The following C3orf20 variants were observed in gnomAD, a reference collection of about 807,000 sequenced individuals.
C3orf20 encodes uncharacterized protein C3orf20.
In C3orf20, 76 loss-of-function variants were observed where a neutral mutation model predicts 88.3. That is an observed-to-expected ratio of 0.86 (90% CI 0.72 to 1.04). The LOEUF (loss-of-function observed/expected upper bound fraction) is 1.04. Among genes scored for constraint, C3orf20 ranks in the 50% least tolerant of loss-of-function variants. C3orf20 has a pLI of 0.00. For missense variants in C3orf20, 1,056 were observed against 1,123.3 expected, an observed-to-expected ratio of 0.94 and a Z score of 0.86; for synonymous variants, 436 against 437.4, an observed-to-expected ratio of 1.00 and a Z score of 0.04.
At chr3:14,687,080 G>A (rs944896989) in intron 4 of C3orf20, among the ~76,000 whole-genome samples, 2 of 152,172 alleles carry the variant, frequency 1.3e-5, no homozygotes, top group Admixed American at 6.5e-5. Context: ...CCGCAGAAGG[G>A]AAAACCGAAT....
chr3:14,719,113 C>T (rs1465647946), intron 9 of C3orf20, among the ~76,000 whole-genome samples: 1 of 148,594 alleles, frequency 6.7e-6, no homozygotes, highest in African/African-American at 2.5e-5. Flanking sequence ...TCTTCATAGC[C>T]TTTGGGTCAT....
At chr3:14,685,543 A>G (rs1213490743) in intron 4 of C3orf20, among the ~76,000 whole-genome samples, 1 of 151,220 alleles carries the variant, frequency 6.6e-6, no homozygotes, top group African/African-American at 2.4e-5. Flanking sequence ...TCTACTCCCC[A>G]AGCAAATTTT....
At chr3:14,710,543 G>A (rs150339332) in intron 7 of C3orf20, among the ~76,000 whole-genome samples, 1 of 152,104 alleles carries the variant, frequency 6.6e-6, no homozygotes, top group Non-Finnish European at 1.5e-5. Flanking sequence ...GACATGTTGT[G>A]TTTTGTTTTC....
chr3:14,689,669 C>T (rs2032615405), intron 4 of C3orf20, among the ~76,000 whole-genome samples: 2 of 152,086 alleles, frequency 1.3e-5, no homozygotes, highest in African/African-American at 4.8e-5. Flanking sequence ...CAAGGCTTAT[C>T]CTCTTGACCT....
At chr3:14,762,674 T>A (rs901078450) in intron 15 of C3orf20, among the ~76,000 whole-genome samples, 2 of 152,226 alleles carry the variant, frequency 1.3e-5, no homozygotes, top group African/African-American at 4.8e-5. Context: ...TTGTGAACTG[T>A]GAAGCAAATG....
chr3:14,683,024 G>T lies in C3orf20; in HGVS notation c.311G>T (p.Arg104Leu). The T allele has an allele frequency of 1.2e-6, 2 of 1,612,508 alleles. No individual in the cohort carries two copies. The highest frequency in any genetic ancestry group is 8.5e-7 in the Non-Finnish European group (1 of 1,179,236). The stretch of plus-strand genomic sequence containing the variant: ...CCTCCACCACCACCAGCACCACCAC[G>T]TCCAGTGCTGCTGGCAACCACTGGG... ...PLPPPPPAPP[R>L]PVLLATTGAA... The change falls in exon 3 of 17, where the codon CGT (arginine) becomes CTT (leucine). Residue 104 changes from arginine to leucine, a missense_variant. Transcript: ENST00000253697.
chr3:14,728,742 G>C, intron 12 of C3orf20, 54 bp downstream of exon 12: 1 of 1,582,164 alleles, frequency 6.3e-7, no homozygotes, highest in Non-Finnish European at 8.6e-7. Flanking sequence ...ATGGGCAGTG[G>C]GCACAGGATA....
chr3:14,751,570 A>G (rs1001228384), intron 12 of C3orf20, among the ~76,000 whole-genome samples: 1 of 152,238 alleles, frequency 6.6e-6, no homozygotes, highest in African/African-American at 2.4e-5. Context: ...ATGATTGTAT[A>G]TTTAGAAAAC....
chr3:14,714,995 G>A (rs1254272363), intron 8 of C3orf20, among the ~76,000 whole-genome samples: 1 of 152,154 alleles, frequency 6.6e-6, no homozygotes, highest in Non-Finnish European at 1.5e-5. Context: ...TTCCCATCTT[G>A]GTGCCTATTA....
chr3:14,683,735 G>T (rs949022275), intron 3 of C3orf20, among the ~76,000 whole-genome samples: 2 of 152,020 alleles, frequency 1.3e-5, no homozygotes, highest in African/African-American at 4.8e-5. Flanking sequence ...AATTAGCCGG[G>T]CATGGTGGTG....
At chr3:14,731,254 A>G (rs1342698754) in intron 12 of C3orf20, among the ~76,000 whole-genome samples, 1 of 152,164 alleles carries the variant, frequency 6.6e-6, no homozygotes, top group Non-Finnish European at 1.5e-5. Flanking sequence ...AGCCTTTCGA[A>G]TCTATCTTCT....
intron 15 of C3orf20, among the ~76,000 whole-genome samples, chr3:14,766,262 C>T (rs2035699393): frequency 6.6e-6 from 1 of 152,194 alleles, no homozygotes; most frequent in African/African-American, 2.4e-5. Flanking sequence ...ACATCTGGCT[C>T]AGCCCCTGTC....
chr3:14,679,611 A>G (rs2031975038), intron 1 of C3orf20, among the ~76,000 whole-genome samples: 1 of 151,858 alleles, frequency 6.6e-6, no homozygotes, highest in Non-Finnish European at 1.5e-5. Flanking sequence ...CATCTTATCC[A>G]TTTCAGGCAA....
At chr3:14,709,475 C>G (rs2033654416) in intron 7 of C3orf20, among the ~76,000 whole-genome samples, 1 of 152,086 alleles carries the variant, frequency 6.6e-6, no homozygotes, top group South Asian at 2.1e-4. Flanking sequence ...CATTCTTTCA[C>G]CATTTATTAT....
At chr3:14,703,312 C>G (rs1452556008) in intron 6 of C3orf20, 50 bp downstream of exon 6, 2 of 1,610,172 alleles carry the variant, frequency 1.2e-6, no homozygotes, top group Non-Finnish European at 1.7e-6. Flanking sequence ...CTCAGAAAGC[C>G]TGGCCCCCAG....
intron 13 of C3orf20, among the ~76,000 whole-genome samples, chr3:14,757,875 C>T (rs1028464806): frequency 6.6e-6 from 1 of 152,226 alleles, no homozygotes; most frequent in African/African-American, 2.4e-5. Flanking sequence ...CCTTCCCGCT[C>T]ATCCTCTAGT....
At chr3:14,680,685 A>G (rs61458238) in intron 1 of C3orf20, among the ~76,000 whole-genome samples, 186 of 152,368 alleles carry the variant, frequency 1.2e-3, no homozygotes, top group African/African-American at 3.9e-3. Context: ...TATCTGTAAG[A>G]TATATCTTCA....
intron 9 of C3orf20, among the ~76,000 whole-genome samples, chr3:14,720,533 GGTTGTTGTTGTT>G (rs199995038): frequency 0.2 from 29,308 of 149,126 alleles, 3,397 homozygotes; most frequent in East Asian, 0.36. Flanking sequence ...AGCAGAGAGT[GGTTGTTGTTGTT>G]GTTGTTGTTG....
chr3:14,763,937 T>TC (rs1239842986), intron 15 of C3orf20, among the ~76,000 whole-genome samples: 1 of 152,170 alleles, frequency 6.6e-6, no homozygotes. Flanking sequence ...ACAACAGTCT[T>TC]CAACAATTGT....
Sources: allele counts gnomAD v4.1 joint callset (sites outside exome capture counted in the v4.1 genomes callset), GRCh38; gene constraint gnomAD v4.1.1; transcripts MANE v1.5; gene names NCBI Gene and HGNC (gene_info 2026-07-23, HGNC 2026-07-21).